Variants in LPP observed in about 807,000 individuals in gnomAD.
LPP encodes LIM domain containing preferred translocation partner in lipoma, also known as lipoma-preferred partner.
In LPP, 38 loss-of-function variants were observed where a neutral mutation model predicts 60.4. The observed-to-expected ratio is 0.63, with a 90% CI of 0.49 to 0.83. LPP has a LOEUF of 0.83. Ranked by LOEUF, LPP falls within the 40% of genes least tolerant of loss-of-function variation. The pLI is 0.00. For synonymous variants in LPP, 328 were observed against 290.8 expected, an observed-to-expected ratio of 1.13 and a Z score of -1.30; for missense variants, 902 against 783.6, an observed-to-expected ratio of 1.15 and a Z score of -1.80.
chr3:188,426,128 T>C (rs1256671809), intron 4 of LPP, among the ~76,000 whole-genome samples: 3 of 147,842 alleles, frequency 2.0e-5, no homozygotes, highest in African/African-American at 8.0e-5. Context: ...TTTAGCTGTG[T>C]CCCAGAAATT....
chr3:188,376,591 A>C (rs1468434673), intron 3 of LPP, among the ~76,000 whole-genome samples: 1 of 152,080 alleles, frequency 6.6e-6, no homozygotes, highest in Non-Finnish European at 1.5e-5. Flanking sequence ...TTTTGAGCCT[A>C]TGTGTGTCTC....
At position 188,210,373 on chromosome 3, in the gene LPP, G is replaced by A. The variant is rs560483152; in HGVS notation, c.-189-15032G>A. 1.6e-4 allele frequency among the ~76,000 whole-genome samples: 25 copies of A among 152,294 alleles called. No homozygotes were observed. In the Middle Eastern group the frequency reaches 0.02, roughly 124 times the overall value. On this transcript the variant is annotated intron_variant, in intron 1 of 11. Transcript: ENST00000617246. ...GAAATATGGTCCTGAGAGGCAGAACGTGAAGCAAGGGATGGAAGGCCGGGG... is the reference window on the plus strand; with the variant it reads ...GAAATATGGTCCTGAGAGGCAGAACATGAAGCAAGGGATGGAAGGCCGGGG...
intron 2 of LPP, among the ~76,000 whole-genome samples, chr3:188,306,091 T>A (rs925759120): frequency 6.6e-6 from 1 of 151,980 alleles, no homozygotes; most frequent in Admixed American, 6.6e-5. Context: ...TTTTCTTTTA[T>A]TTTTTTTGAG....
intron 4 of LPP, among the ~76,000 whole-genome samples, chr3:188,407,282 C>T (rs918451650): frequency 6.6e-6 from 1 of 152,196 alleles, no homozygotes; most frequent in Non-Finnish European, 1.5e-5. Context: ...AAGTGTTTCA[C>T]ACTCTGTGAT....
chr3:188,305,716 G>A (rs1341344393), intron 2 of LPP, among the ~76,000 whole-genome samples: 2 of 152,172 alleles, frequency 1.3e-5, no homozygotes, highest in African/African-American at 2.4e-5. Context: ...AGGTTTTATT[G>A]TGTTATTTGA....
At chr3:188,495,193 A>ATATT (rs1553913697) in intron 5 of LPP, among the ~76,000 whole-genome samples, 2 of 135,906 alleles carry the variant, frequency 1.5e-5, no homozygotes, top group African/African-American at 2.7e-5. Flanking sequence ...TAATATATAT[A>ATATT]TTTATAAATA....
intron 2 of LPP, among the ~76,000 whole-genome samples, chr3:188,326,172 C>T (rs1228031113): frequency 2.0e-5 from 3 of 152,066 alleles, no homozygotes; most frequent in Non-Finnish European, 4.4e-5. Flanking sequence ...TTAAGTTTGG[C>T]GTTTGAGGTG....
intron 1 of LPP, among the ~76,000 whole-genome samples, chr3:188,165,744 T>G (rs1056789828): frequency 3.3e-5 from 5 of 152,028 alleles, no homozygotes; most frequent in Admixed American, 3.3e-4. Context: ...AAAACCGAAT[T>G]AGGGTTGAGG....
At chr3:188,523,091 G>T (rs113262507) in intron 5 of LPP, among the ~76,000 whole-genome samples, 1 of 151,722 alleles carries the variant, frequency 6.6e-6, no homozygotes, top group Non-Finnish European at 1.5e-5. Flanking sequence ...TATTTTTAGT[G>T]GAGACGGGTT....
At chr3:188,366,042 C>T (rs925125114) in intron 3 of LPP, among the ~76,000 whole-genome samples, 4 of 152,186 alleles carry the variant, frequency 2.6e-5, no homozygotes, top group African/African-American at 9.7e-5. Context: ...GAACCAAGAT[C>T]TCCTCATTCC....
chr3:188,542,362 T>C (rs1205413081), intron 6 of LPP, among the ~76,000 whole-genome samples: 4 of 152,236 alleles, frequency 2.6e-5, no homozygotes, highest in Non-Finnish European at 5.9e-5. Flanking sequence ...AAACATCATC[T>C]GTTTTATGAT....
chr3:188,638,355 G>C (rs1282149672), intron 7 of LPP, among the ~76,000 whole-genome samples: 1 of 149,022 alleles, frequency 6.7e-6, no homozygotes, highest in African/African-American at 2.5e-5. Flanking sequence ...GGTATTGATG[G>C]GATGTATTTC....
chr3:188,280,097 AT>A (rs1741393457), intron 2 of LPP, among the ~76,000 whole-genome samples: 1 of 152,198 alleles, frequency 6.6e-6, no homozygotes, highest in Admixed American at 6.5e-5. Context: ...CAGTGATGTA[AT>A]TGGCAGCCAA....
intron 1 of LPP, among the ~76,000 whole-genome samples, chr3:188,203,073 A>G (rs1394842539): frequency 1.4e-5 from 2 of 144,500 alleles, no homozygotes; most frequent in Non-Finnish European, 3.0e-5. Flanking sequence ...TATTATAATT[A>G]TATAATAATT....
intron 4 of LPP, among the ~76,000 whole-genome samples, chr3:188,475,674 G>A (rs1024386681): frequency 1.3e-5 from 2 of 151,850 alleles, no homozygotes; most frequent in African/African-American, 2.4e-5. Context: ...AGGCCGAGGC[G>A]GGCGGATCAC....
At chr3:188,232,515 T>A (rs796743954) in intron 2 of LPP, among the ~76,000 whole-genome samples, 2,496 of 147,648 alleles carry the variant, frequency 0.017, 80 homozygotes, top group African/African-American at 0.057. Context: ...TTTTTTTTTT[T>A]TTTTTTTTTT....
At chr3:188,189,672 A>G (rs1244506977) in intron 1 of LPP, among the ~76,000 whole-genome samples, 1 of 152,172 alleles carries the variant, frequency 6.6e-6, no homozygotes, top group Non-Finnish European at 1.5e-5. Flanking sequence ...GAATAAAAAA[A>G]AAAGACCTTG....
chr3:188,666,216 G>A (rs1245436405), intron 7 of LPP, among the ~76,000 whole-genome samples: 7 of 152,162 alleles, frequency 4.6e-5, no homozygotes, highest in African/African-American at 1.7e-4. Context: ...AAATTAACAA[G>A]CAAAATTGTG....
chr3:188,210,072 TAA>T (rs79183561), intron 1 of LPP, among the ~76,000 whole-genome samples: 22 of 137,708 alleles, frequency 1.6e-4, no homozygotes, highest in African/African-American at 4.8e-4. Flanking sequence ...TCGAAAATAT[TAA>T]AAAAAAAAAA....
Sources: gnomAD v4.1 joint callset for allele counts (sites outside exome capture counted in the v4.1 genomes callset) on GRCh38, gnomAD v4.1.1 for gene constraint, MANE v1.5 for transcripts, NCBI Gene and HGNC (gene_info 2026-07-23, HGNC 2026-07-21) for gene names.